Variants in NRXN1 observed in about 807,000 individuals in gnomAD.
NRXN1 encodes neurexin-1.
Under a neutral mutation model 150.9 loss-of-function variants are expected in NRXN1, and 39 were observed. That is an observed-to-expected ratio of 0.26 (90% confidence interval 0.20 to 0.34). The LOEUF is 0.34. Ranked by LOEUF, NRXN1 falls within the 10% of genes least tolerant of loss-of-function variation. The pLI is 1.00. For missense variants in NRXN1, 1,815 were observed against 1,949.9 expected, an observed-to-expected ratio of 0.93 and a Z score of 1.30; for synonymous variants, 924 against 757.0, an observed-to-expected ratio of 1.22 and a Z score of -3.62.
At chr2:50,015,966 C>G (rs1686518356) in intron 21 of NRXN1, among the ~76,000 whole-genome samples, 1 of 152,098 alleles carries the variant, frequency 6.6e-6, no homozygotes, top group African/African-American at 2.4e-5. Flanking sequence ...ACTCAGTAAA[C>G]TTACACGGGC....
intron 19 of NRXN1, among the ~76,000 whole-genome samples, chr2:50,081,606 G>C (rs953543702): frequency 2.6e-5 from 4 of 152,164 alleles, no homozygotes; most frequent in African/African-American, 9.7e-5. Context: ...AAAGTGGGTA[G>C]ACAGTGGACA....
intron 2 of NRXN1, among the ~76,000 whole-genome samples, chr2:51,007,250 A>G (rs1459908132): frequency 2.6e-5 from 4 of 151,910 alleles, no homozygotes; most frequent in Admixed American, 6.6e-5. Flanking sequence ...TTTCTGAACC[A>G]TTTCTGAAAT....
chr2:50,966,742 A>C (rs887431267), intron 2 of NRXN1, among the ~76,000 whole-genome samples: 3 of 151,902 alleles, frequency 2.0e-5, no homozygotes, highest in Non-Finnish European at 2.9e-5. Flanking sequence ...AGTGGGGAGA[A>C]ATGAATGGGT....
chr2:50,074,965 G>C (rs1696850106), intron 19 of NRXN1, among the ~76,000 whole-genome samples: 1 of 152,158 alleles, frequency 6.6e-6, no homozygotes, highest in Non-Finnish European at 1.5e-5. Context: ...CAACGGTAAA[G>C]TTCACAGTGT....
At chr2:50,658,868 G>T (rs1686879719) in intron 5 of NRXN1, among the ~76,000 whole-genome samples, 1 of 151,998 alleles carries the variant, frequency 6.6e-6, no homozygotes, top group African/African-American at 2.4e-5. Flanking sequence ...CTGAGAGCTG[G>T]CTCTACAATC....
intron 5 of NRXN1, among the ~76,000 whole-genome samples, chr2:50,702,244 A>AT (rs1693841818): frequency 6.6e-6 from 1 of 152,086 alleles, no homozygotes; most frequent in African/African-American, 2.4e-5. Context: ...ATATTTTCAC[A>AT]TTGAACTCCT....
At chr2:50,197,439 T>C (rs939707068) in intron 18 of NRXN1, among the ~76,000 whole-genome samples, 1 of 152,184 alleles carries the variant, frequency 6.6e-6, no homozygotes, top group Admixed American at 6.6e-5. Context: ...CTGCTCGAAA[T>C]GTTGATGAAT....
intron 17 of NRXN1, among the ~76,000 whole-genome samples, chr2:50,368,028 C>A (rs2079725002): frequency 2.0e-5 from 3 of 151,930 alleles, no homozygotes; most frequent in South Asian, 4.1e-4. Flanking sequence ...AGCTAGAAAA[C>A]CACTGTGGCA....
At chr2:50,350,923 C>T (rs1287630836) in intron 17 of NRXN1, among the ~76,000 whole-genome samples, 1 of 152,106 alleles carries the variant, frequency 6.6e-6, no homozygotes, top group African/African-American at 2.4e-5. Flanking sequence ...CTTTGCAATA[C>T]TTAGGAGGTT....
intron 22 of NRXN1, among the ~76,000 whole-genome samples, chr2:49,922,650 T>C (rs894511524): frequency 6.6e-6 from 1 of 152,188 alleles, no homozygotes; most frequent in Non-Finnish European, 1.5e-5. Flanking sequence ...GGTGTTGCTC[T>C]AGAACATAGG....
chr2:49,918,510 T>C lies in NRXN1; in HGVS notation c.*3434A>G, dbSNP rs149942705. The C allele has an allele frequency of 9.2e-5, 14 of 152,290 alleles. No homozygotes were observed. Among genetic ancestry groups the C allele is most frequent in the East Asian group, 5.8e-4 (3 of 5,188 alleles). 9.4% of individuals were successfully genotyped at this position (152,290 alleles called of 1,614,324 possible). A position where few individuals can be genotyped will look rare whatever the true frequency, so the allele number is the denominator to read the frequency against. Reference sequence around the variant, plus strand: ...TAGGCAAATAGTAACGAGTATGTGATAGTGTTGGAATTTAATCACAGGTTT... The same window carrying C: ...TAGGCAAATAGTAACGAGTATGTGACAGTGTTGGAATTTAATCACAGGTTT... On this transcript the variant is annotated 3_prime_UTR_variant, in exon 23 of 23. Coordinates refer to ENST00000401669, the MANE Select transcript of NRXN1 (RefSeq NM_001330078.2).
At chr2:50,693,946 C>A (rs1278731410) in intron 5 of NRXN1, among the ~76,000 whole-genome samples, 31 of 152,206 alleles carry the variant, frequency 2.0e-4, no homozygotes, top group Non-Finnish European at 1.5e-5. Flanking sequence ...TATCCACTAC[C>A]ATGGTCGGCT....
intron 18 of NRXN1, among the ~76,000 whole-genome samples, chr2:50,105,040 AGTTACATTCAATCCAG>A (rs1216178486): frequency 6.6e-6 from 1 of 152,032 alleles, no homozygotes; most frequent in Non-Finnish European, 1.5e-5. Flanking sequence ...ACATCAATCT[AGTTACATTCAATCCAG>A]GTCTATCTGG....
intron 17 of NRXN1, among the ~76,000 whole-genome samples, chr2:50,445,850 C>A (rs2086355445): frequency 6.6e-6 from 1 of 152,038 alleles, no homozygotes; most frequent in Admixed American, 6.6e-5. Context: ...AGGAGAAGGC[C>A]CCTCAGGACT....
At chr2:51,009,558 CAAATT>C (rs1350140325) in intron 2 of NRXN1, among the ~76,000 whole-genome samples, 1 of 151,768 alleles carries the variant, frequency 6.6e-6, no homozygotes, top group East Asian at 1.9e-4. Flanking sequence ...CAAATTTAGA[CAAATT>C]AAAGAGTCTA....
intron 5 of NRXN1, among the ~76,000 whole-genome samples, chr2:50,703,521 T>G (rs2104981276): frequency 2.0e-5 from 3 of 152,236 alleles, no homozygotes; most frequent in Admixed American, 2.0e-4. Context: ...TATGTTATAG[T>G]CCATTTGAGA....
At chr2:50,925,865 C>G in intron 3 of NRXN1, 73 bp downstream of exon 3, 1 of 1,172,358 alleles carries the variant, frequency 8.5e-7, no homozygotes, top group East Asian at 2.6e-5. Flanking sequence ...CATCTAACTT[C>G]AAGATGTACC....
At chr2:50,674,569 T>C (rs1171896437) in intron 5 of NRXN1, among the ~76,000 whole-genome samples, 1 of 152,086 alleles carries the variant, frequency 6.6e-6, no homozygotes, top group Non-Finnish European at 1.5e-5. Flanking sequence ...GCTACTGCGA[T>C]AGTTCAGGTG....
intron 17 of NRXN1, among the ~76,000 whole-genome samples, chr2:50,444,856 A>C (rs758956899): frequency 3.3e-5 from 5 of 152,162 alleles, no homozygotes; most frequent in South Asian, 4.1e-4. Flanking sequence ...CATTTTGTTC[A>C]TCATATATTT....
Sources: allele counts gnomAD v4.1 joint callset (sites outside exome capture counted in the v4.1 genomes callset), GRCh38; gene constraint gnomAD v4.1.1; transcripts MANE v1.5; gene names NCBI Gene and HGNC (gene_info 2026-07-23, HGNC 2026-07-21).